EFR3B: variants seen among roughly 807,000 people sequenced by gnomAD.
The protein encoded by EFR3B is EFR3 homolog B, also known as protein EFR3 homolog B.
Under a neutral mutation model 104.7 loss-of-function variants are expected in EFR3B, and 64 were observed. That is an observed-to-expected ratio of 0.61 (90% CI 0.50 to 0.75). The LOEUF is 0.75. EFR3B is among the 30% of genes least tolerant of loss of function. The probability of loss-of-function intolerance (pLI) is 0.00; values close to 1 mark genes in which losing one functional copy is unlikely to be tolerated. For missense variants in EFR3B, 750 were observed against 1,078.5 expected (o/e 0.70, Z 4.27); for synonymous variants, 385 against 417.9 (o/e 0.92, Z 0.96).
At chr2:25,069,200 G>A (rs571807868) in intron 1 of EFR3B, among the ~76,000 whole-genome samples, 1 of 152,232 alleles carries the variant, frequency 6.6e-6, no homozygotes, top group South Asian at 2.1e-4. Flanking sequence ...GAGCCATTGC[G>A]CCTGGCCTGT....
At position 25,087,378 on chromosome 2, in the gene EFR3B, T is replaced by TAC. The variant is rs1294870019; in HGVS notation, c.8-3933_8-3932dup. On this transcript the variant is annotated intron_variant, in intron 1 of 22. Coordinates refer to ENST00000403714, the MANE Select transcript of EFR3B (RefSeq NM_014971.2). ...TCATATATGTATATATATATATATA[T>TAC]ACACACACACACACATATATTCTTT... is the stretch of plus-strand genomic sequence containing the variant. Among the ~76,000 whole-genome samples the TAC allele has an allele frequency of 2.6e-3, 364 of 142,446 alleles. 3 individuals carry two copies. Among genetic ancestry groups the TAC allele is most frequent in the Non-Finnish European group, 4.0e-3 (269 of 67,062 alleles). The allele number at this position is 142,446 out of a possible 152,430, so 93.5% of individuals were successfully genotyped here.
chr2:25,126,213 C>G (rs1670163777), intron 5 of EFR3B, among the ~76,000 whole-genome samples: 1 of 152,174 alleles, frequency 6.6e-6, no homozygotes, highest in African/African-American at 2.4e-5. Flanking sequence ...GAGTTTCACT[C>G]TTTCATCCGG....
At chr2:25,143,594 A>G (rs1670734402) in intron 17 of EFR3B, 141 bp from the exon 18 acceptor site, 5 of 1,020,406 alleles carry the variant, frequency 4.9e-6, no homozygotes, top group African/African-American at 1.6e-5. Flanking sequence ...TGGAAGGCGG[A>G]GGTTGCAATG....
rs535181000 is a variant in EFR3B, at chr2:25,093,185, A to G, written c.212+55A>G. On this transcript the variant is annotated intron_variant, in intron 3 of 22. Transcript: ENST00000403714. ...TTGTCAGGAACTATATTGTTAGGCT[A>G]AACATAGGGTCCTTTTAAGAAAATG... The G allele has an allele frequency of 2.7e-5, 42 of 1,536,666 alleles. No homozygotes were observed. In the African/African-American group the frequency reaches 5.5e-4, roughly 20 times the overall value.
Position 25,130,049 on chromosome 2 carries a change from G to A in EFR3B, c.710G>A (p.Arg237Gln), listed in dbSNP as rs1033089836. The change falls in exon 7 of 23, where the codon CGG becomes CAG. Residue 237 changes from arginine (R) to glutamine (Q), a missense_variant. By Grantham distance (43) the Arg-to-Gln change is conservative (BLOSUM62 1). Coordinates refer to ENST00000403714, the MANE Select transcript of EFR3B (RefSeq NM_014971.2). The surrounding 1 kb of genome is among the most constrained non-coding windows in gnomAD (Gnocchi z 4.6). ...GCGGAGCTGGCTGAGAGGTGTCTTC[G>A]GGAGCTGCTGGGCCGGGCTGCCTTT... ...SPAELAERCLRELLGRAAFGN... is the reference protein window; with the variant it reads ...SPAELAERCLQELLGRAAFGN... 3.9e-6 allele frequency: 6 copies of A among 1,551,764 alleles called. No homozygotes were observed. Among genetic ancestry groups the A allele is most frequent in the Non-Finnish European group, 5.2e-6 (6 of 1,147,012 alleles).
At chr2:25,109,868 A>G (rs1177524075) in intron 4 of EFR3B, among the ~76,000 whole-genome samples, 2 of 152,138 alleles carry the variant, frequency 1.3e-5, no homozygotes, top group African/African-American at 2.4e-5. Context: ...TTTTACTTCA[A>G]TTTTTTAAAA....
At chr2:25,135,434 T>A (rs1367457138) in intron 12 of EFR3B, 33 bp from the exon 13 acceptor site, 1 of 1,549,970 alleles carries the variant, frequency 6.5e-7, no homozygotes, top group Admixed American at 2.0e-5. Flanking sequence ...GGGACAGCAT[T>A]CCTAGGCATA....
chr2:25,052,646 G>GT (rs34172064), intron 1 of EFR3B, among the ~76,000 whole-genome samples: 14,351 of 151,988 alleles, frequency 0.094, 877 homozygotes, highest in East Asian at 0.24. Flanking sequence ...GGATTAACAG[G>GT]TGTGTGCCAC....
chr2:25,119,514 C>T (rs189763418), intron 4 of EFR3B, among the ~76,000 whole-genome samples: 4 of 152,356 alleles, frequency 2.6e-5, no homozygotes, highest in Non-Finnish European at 1.5e-5. Flanking sequence ...CCGACTTCAG[C>T]CTTCTTTCTG....
intron 4 of EFR3B, among the ~76,000 whole-genome samples, chr2:25,120,526 C>T (rs986619230): frequency 1.3e-5 from 2 of 152,084 alleles, no homozygotes; most frequent in African/African-American, 4.8e-5. Flanking sequence ...CATCTGTAGT[C>T]CCAGCTACCC....
At chr2:25,077,620 CA>C (rs1400356601) in intron 1 of EFR3B, among the ~76,000 whole-genome samples, 4 of 152,130 alleles carry the variant, frequency 2.6e-5, no homozygotes, top group Non-Finnish European at 4.4e-5. Context: ...TAAGTGCTCA[CA>C]ATATAAGAAG....
At chr2:25,096,377 G>T (rs1192629575) in intron 3 of EFR3B, among the ~76,000 whole-genome samples, 1 of 152,128 alleles carries the variant, frequency 6.6e-6, no homozygotes, top group Non-Finnish European at 1.5e-5. Flanking sequence ...CTGGTCCAGG[G>T]TCTTCTCTTT....
intron 5 of EFR3B, among the ~76,000 whole-genome samples, chr2:25,126,756 A>G (rs541844957): frequency 6.6e-6 from 1 of 151,776 alleles, no homozygotes; most frequent in Admixed American, 6.6e-5. Flanking sequence ...TTGCCTCCCA[A>G]AGTGCTGGGG....
At chr2:25,044,427 AAGTG>A (rs1284642918) in intron 1 of EFR3B, among the ~76,000 whole-genome samples, 1 of 152,266 alleles carries the variant, frequency 6.6e-6, no homozygotes, top group African/African-American at 2.4e-5. Flanking sequence ...TGATGAAAAA[AAGTG>A]AGTAAGGAGG....
chr2:25,065,861 A>T (rs1440118085), intron 1 of EFR3B, among the ~76,000 whole-genome samples: 1 of 151,950 alleles, frequency 6.6e-6, no homozygotes, highest in Non-Finnish European at 1.5e-5. Flanking sequence ...AGGTGCTGGG[A>T]GGCTCTTCCT....
At chr2:25,151,620 T>TA (rs1671011074) in intron 20 of EFR3B, among the ~76,000 whole-genome samples, 1 of 152,134 alleles carries the variant, frequency 6.6e-6, no homozygotes, top group Non-Finnish European at 1.5e-5. Context: ...ACCTTCAATT[T>TA]AAGAGTCCCG....
chr2:25,074,140 G>A (rs1482018304), intron 1 of EFR3B, among the ~76,000 whole-genome samples: 4 of 152,222 alleles, frequency 2.6e-5, no homozygotes, highest in African/African-American at 4.8e-5. Context: ...TGACCAACCT[G>A]GTGTGGGGCT....
intron 1 of EFR3B, among the ~76,000 whole-genome samples, chr2:25,049,326 CTT>C (rs1224287135): frequency 1.3e-5 from 2 of 152,098 alleles, no homozygotes; most frequent in Admixed American, 6.6e-5. Flanking sequence ...ACTTGCCTGT[CTT>C]TTGCTGTCTG....
At chr2:25,049,991 G>T (rs1384354569) in intron 1 of EFR3B, among the ~76,000 whole-genome samples, 3 of 151,588 alleles carry the variant, frequency 2.0e-5, no homozygotes, top group African/African-American at 7.3e-5. Context: ...TTAGCCAGGG[G>T]TGGTGGCGCA....
Sources: gnomAD v4.1 joint callset for allele counts (sites outside exome capture counted in the v4.1 genomes callset) on GRCh38, gnomAD v4.1.1 for gene constraint, Gnocchi (gnomAD v3.1) non-coding constraint, MANE v1.5 for transcripts, NCBI Gene and HGNC (gene_info 2026-07-23, HGNC 2026-07-21) for gene names.